The following TBC1D32 variants were observed in gnomAD, a reference collection of about 807,000 sequenced individuals.
TBC1D32 encodes the protein protein broad-minded.
Under a neutral mutation model 170.3 loss-of-function variants are expected in TBC1D32, and 151 were observed. That is an observed-to-expected ratio of 0.89 (90% CI 0.78 to 1.01). The LOEUF (loss-of-function observed/expected upper bound fraction) is 1.01. Among genes scored for constraint, TBC1D32 ranks in the 50% least tolerant of loss-of-function variants. The pLI is 0.00. For synonymous variants in TBC1D32, 498 were observed against 488.0 expected (o/e 1.02, Z -0.27); for missense variants, 1,464 against 1,457.1 (o/e 1.00, Z -0.08).
chr6:121,155,683 T>C (rs1207715443), intron 24 of TBC1D32, among the ~76,000 whole-genome samples: 1 of 152,126 alleles, frequency 6.6e-6, no homozygotes, highest in East Asian at 1.9e-4. Flanking sequence ...TATGTTCCTT[T>C]ATGCCTAGCC....
At chr6:121,304,465 T>A in intron 7 of TBC1D32, 39 bp from the exon 8 acceptor site, 2 of 1,604,694 alleles carry the variant, frequency 1.2e-6, no homozygotes, top group Non-Finnish European at 1.7e-6. Context: ...AAAATTAGCA[T>A]CCTCAAATAT....
chr6:121,132,005 A>G (rs561195228), intron 24 of TBC1D32, among the ~76,000 whole-genome samples: 2 of 152,134 alleles, frequency 1.3e-5, no homozygotes, highest in South Asian at 4.1e-4. Context: ...TAATTCTTGA[A>G]TAGTCTTTTT....
intron 21 of TBC1D32, among the ~76,000 whole-genome samples, chr6:121,213,064 C>A (rs938291801): frequency 6.6e-6 from 1 of 152,046 alleles, no homozygotes; most frequent in African/African-American, 2.4e-5. Flanking sequence ...ATAATAAGAA[C>A]CTTCTATGAC....
At chr6:121,185,866 T>A (rs1471538706) in intron 22 of TBC1D32, among the ~76,000 whole-genome samples, 1 of 152,012 alleles carries the variant, frequency 6.6e-6, no homozygotes, top group Non-Finnish European at 1.5e-5. Context: ...AAGCAGATGA[T>A]CATAGATATT....
chr6:121,250,121 G>A (rs754987634), intron 17 of TBC1D32, among the ~76,000 whole-genome samples: 97 of 151,980 alleles, frequency 6.4e-4, no homozygotes, highest in Non-Finnish European at 2.1e-4. Flanking sequence ...GCATGGTACT[G>A]GTATAAAAAT....
At chr6:121,222,811 T>C (rs1794668071) in intron 21 of TBC1D32, among the ~76,000 whole-genome samples, 1 of 152,220 alleles carries the variant, frequency 6.6e-6, no homozygotes, top group South Asian at 2.1e-4. Flanking sequence ...AATTTGTATA[T>C]ACTGCCCTCA....
chr6:121,160,137 G>A, intron 23 of TBC1D32, 34 bp from the exon 24 acceptor site: 1 of 1,323,688 alleles, frequency 7.6e-7, no homozygotes, highest in African/African-American at 1.5e-5. Flanking sequence ...ACTTTAGGAA[G>A]TGGTCTAAAA....
chr6:121,270,030 T>C (rs1801134896), intron 15 of TBC1D32, among the ~76,000 whole-genome samples: 1 of 151,862 alleles, frequency 6.6e-6, no homozygotes, highest in Non-Finnish European at 1.5e-5. Flanking sequence ...CATAATGAAA[T>C]GAAGGCAGAA....
rs146681678 is a variant in TBC1D32, at chr6:121,268,460, C to T, written c.1733+10661G>A. ...AAACCATGGCATGAGAACTACGTGA[C>T]GCATGCAAAAGCTTCAGTAGCCAGT... On this transcript the variant is annotated intron_variant, in intron 15 of 31. Coordinates refer to ENST00000398212, the MANE Select transcript of TBC1D32 (RefSeq NM_152730.6). Among the ~76,000 whole-genome samples, 940 of 152,118 alleles carry T rather than the reference C, an allele frequency of 6.2e-3. 8 individuals are homozygous for T. The highest frequency in any genetic ancestry group is 0.01 in the Non-Finnish European group (697 of 68,014).
Position 121,279,141 on chromosome 6 carries a change from A to G in TBC1D32, c.1713T>C (p.Asn571=), listed in dbSNP as rs1377375083. 1.9e-6 allele frequency: 3 copies of G among 1,605,934 alleles called. No homozygotes were observed. Among genetic ancestry groups the G allele is most frequent in the Admixed American group, 3.5e-5 (2 of 57,574 alleles). ...CATACCTTTCTTCAGAAGAGTTCAT[A>G]TTTGCTCCATAAAGGAGTAAAATAA... ...EGLILLLYGA[N]MNSSEESPTG... Residue 571 remains asparagine (N), a synonymous_variant, in exon 15 of 32, where the codon AAT becomes AAC. Transcript: ENST00000398212.
chr6:121,301,057 TG>T (rs113912844), intron 9 of TBC1D32, among the ~76,000 whole-genome samples: 7,700 of 152,146 alleles, frequency 0.051, 367 homozygotes, highest in African/African-American at 0.12. Flanking sequence ...CTGGAGAGGA[TG>T]TGGAGAAATG....
chr6:121,246,343 C>T (rs559832406), intron 17 of TBC1D32, among the ~76,000 whole-genome samples: 1 of 152,062 alleles, frequency 6.6e-6, no homozygotes, highest in South Asian at 2.1e-4. Context: ...CTAAAATGAA[C>T]AATACACATT....
intron 26 of TBC1D32, among the ~76,000 whole-genome samples, chr6:121,117,307 T>A (rs1261353566): frequency 2.0e-5 from 3 of 152,148 alleles, no homozygotes; most frequent in Non-Finnish European, 4.4e-5. Flanking sequence ...TATATAACTT[T>A]GGTATGAACA....
intron 20 of TBC1D32, among the ~76,000 whole-genome samples, chr6:121,234,961 T>C (rs1307792873): frequency 1.3e-5 from 2 of 152,126 alleles, no homozygotes; most frequent in African/African-American, 2.4e-5. Flanking sequence ...AGCTGAACTA[T>C]AGTAATTGTT....
Position 121,254,637 on chromosome 6 carries a change from A to G in TBC1D32, c.2018+691T>C, listed in dbSNP as rs542063439. ...AGGCTTTTTGATTGTTTTGTAAGTT[A>G]AACTATACCTACCTTAAAAAAATTC... On this transcript the variant is annotated intron_variant, in intron 17 of 31. Transcript: ENST00000398212. Among the ~76,000 whole-genome samples, 4 of 152,220 alleles carry G rather than the reference A, an allele frequency of 2.6e-5. No homozygotes were observed. The East Asian group carries it at 5.8e-4, about 22-fold the overall frequency.
intron 15 of TBC1D32, among the ~76,000 whole-genome samples, chr6:121,257,890 G>A (rs1376584677): frequency 6.6e-6 from 1 of 152,008 alleles, no homozygotes; most frequent in East Asian, 1.9e-4. Context: ...GATACCCCAG[G>A]ATCATCCTCC....
intron 1 of TBC1D32, among the ~76,000 whole-genome samples, chr6:121,333,363 A>C (rs6924917): frequency 0.97 from 147,502 of 152,242 alleles, 71,665 homozygotes; most frequent in East Asian, 1. Flanking sequence ...TGGCACTTCT[A>C]TCATTAAACC....
intron 27 of TBC1D32, among the ~76,000 whole-genome samples, chr6:121,114,907 T>C (rs953578969): frequency 1.1e-4 from 16 of 152,184 alleles, no homozygotes; most frequent in Non-Finnish European, 2.2e-4. Flanking sequence ...TACAATGTTA[T>C]TTTTGTAAAA....
chr6:121,261,439 T>C (rs1799755967), intron 15 of TBC1D32, among the ~76,000 whole-genome samples: 1 of 152,188 alleles, frequency 6.6e-6, no homozygotes, highest in Non-Finnish European at 1.5e-5. Context: ...ATCTTTGCTG[T>C]TCTCCAGCCT....
Sources: allele counts gnomAD v4.1 joint callset (sites outside exome capture counted in the v4.1 genomes callset), GRCh38; gene constraint gnomAD v4.1.1; transcripts MANE v1.5; gene names NCBI Gene and HGNC (gene_info 2026-07-23, HGNC 2026-07-21).